Variants in ZEB1 observed in about 807,000 individuals in gnomAD.
The protein encoded by ZEB1 is zinc finger E-box binding homeobox 1, also known as zinc finger E-box-binding homeobox 1.
In ZEB1, 21 loss-of-function variants were observed where a neutral mutation model predicts 84.9. The observed-to-expected ratio is 0.25, with a 90% confidence interval of 0.18 to 0.36. The LOEUF (loss-of-function observed/expected upper bound fraction) is 0.36, where lower values mean the gene tolerates loss of function less well. Ranked by LOEUF, ZEB1 falls within the 10% of genes least tolerant of loss-of-function variation. The pLI, the probability that ZEB1 is intolerant of heterozygous loss-of-function variation, is 1.00. For synonymous variants in ZEB1, 420 were observed against 471.1 expected (o/e 0.89, Z 1.41); for missense variants, 1,104 against 1,330.2 (o/e 0.83, Z 2.65).
intron 2 of ZEB1, among the ~76,000 whole-genome samples, chr10:31,474,806 C>T (rs1013544225): frequency 1.3e-5 from 2 of 152,012 alleles, no homozygotes; most frequent in Non-Finnish European, 2.9e-5. Context: ...GACTTGGAAC[C>T]AACCCAAATG....
intron 1 of ZEB1, among the ~76,000 whole-genome samples, chr10:31,424,998 T>A (rs1018669608): frequency 1.3e-5 from 2 of 151,788 alleles, no homozygotes; most frequent in South Asian, 2.1e-4. Context: ...TACAATCAAA[T>A]TTTTTTTAAA....
chr10:31,373,193 T>TTG (rs527915359), intron 1 of ZEB1: 39,053 of 967,528 alleles, frequency 0.04, 271 homozygotes, highest in African/African-American at 0.07. Flanking sequence ...TTCATTTAAA[T>TTG]TGTGTGTGTG....
intron 1 of ZEB1, among the ~76,000 whole-genome samples, chr10:31,359,724 A>G (rs977538241): frequency 6.6e-6 from 1 of 152,208 alleles, no homozygotes; most frequent in Non-Finnish European, 1.5e-5. Context: ...GAAAAATCAA[A>G]ATTTTATTCA....
Position 31,514,276 on chromosome 10 carries a change from A to G in ZEB1, c.688-327A>G, listed in dbSNP as rs140394418. Among the ~76,000 whole-genome samples, 138 of 152,234 alleles carry G rather than the reference A, an allele frequency of 9.1e-4. 1 individual carries two copies. Among genetic ancestry groups the G allele is most frequent in the African/African-American group, 3.2e-3 (131 of 41,556 alleles). On this transcript the variant is annotated intron_variant, in intron 5 of 8. Coordinates refer to ENST00000424869, the MANE Select transcript of ZEB1 (RefSeq NM_001174096.2). ...TAACCTCTAGTTCCTAGCAAAGTATATATTACTTTATTTTTACTAATTTTG... is the reference window on the plus strand; with the variant it reads ...TAACCTCTAGTTCCTAGCAAAGTATGTATTACTTTATTTTTACTAATTTTG...
chr10:31,460,836 G>T (rs929050506), intron 1 of ZEB1, among the ~76,000 whole-genome samples: 1 of 152,042 alleles, frequency 6.6e-6, no homozygotes, highest in Admixed American at 6.6e-5. Context: ...TATTCAATAA[G>T]GGTAGCTACT....
At chr10:31,355,925 A>G (rs2042047648) in intron 1 of ZEB1, among the ~76,000 whole-genome samples, 1 of 152,150 alleles carries the variant, frequency 6.6e-6, no homozygotes, top group Non-Finnish European at 1.5e-5. Flanking sequence ...TGACTATAGT[A>G]TATATAGAAG....
intron 1 of ZEB1, among the ~76,000 whole-genome samples, chr10:31,398,453 C>G (rs1047777652): frequency 1.3e-5 from 2 of 152,020 alleles, no homozygotes; most frequent in East Asian, 1.9e-4. Flanking sequence ...TGCCTTCTCT[C>G]TCTGCATCAT....
At chr10:31,469,845 C>T (rs2062960616) in intron 2 of ZEB1, among the ~76,000 whole-genome samples, 1 of 152,204 alleles carries the variant, frequency 6.6e-6, no homozygotes, top group Non-Finnish European at 1.5e-5. Context: ...AGTGGTTCTC[C>T]CAGTACGCAG....
rs139511659 is a variant in ZEB1, at chr10:31,520,830, G to A, written c.1498G>A (p.Ala500Thr). The A allele has an allele frequency of 4.8e-5, 77 of 1,613,830 alleles. No homozygotes were observed. The highest frequency in any genetic ancestry group is 1.6e-4 in the Middle Eastern group (1 of 6,084). The change falls in exon 7 of 9, where the codon GCT (alanine) becomes ACT (threonine). Residue 500 changes from alanine to threonine, a missense_variant. This residue lies in a region of ZEB1 where 531 missense variants were observed against 575.2 expected (regional missense o/e 0.92). Transcript: ENST00000424869. The surrounding 1 kb of genome is among the most constrained non-coding windows in gnomAD (Gnocchi z 5.1). ...AAATTTAAAAAAAGAAAATCCAGTC[G>A]CTACAAACAGTTGTAAAAGTGAAAA... ...PQNLKKENPV[A>T]TNSCKSEKLP...
At chr10:31,386,071 A>T (rs1472161097) in intron 1 of ZEB1, among the ~76,000 whole-genome samples, 1 of 152,100 alleles carries the variant, frequency 6.6e-6, no homozygotes, top group Non-Finnish European at 1.5e-5. Context: ...ATAGCTATAG[A>T]CAACCATTTT....
chr10:31,448,866 G>A (rs1256348954), intron 1 of ZEB1, among the ~76,000 whole-genome samples: 1 of 152,236 alleles, frequency 6.6e-6, no homozygotes, highest in Non-Finnish European at 1.5e-5. Flanking sequence ...CTGTCTTTTT[G>A]TTTGTCTGTG....
Position 31,397,570 on chromosome 10 carries a change from C to A in ZEB1, c.59-63467C>A, listed in dbSNP as rs545984474. Among the ~76,000 whole-genome samples, 10 of 152,210 alleles carry A rather than the reference C, an allele frequency of 6.6e-5. No individual in the cohort carries two copies. In the South Asian group the frequency reaches 1.9e-3, roughly 28 times the overall value. On this transcript the variant is annotated intron_variant, in intron 1 of 8. Transcript: ENST00000424869. ...AGCTTCAGTCCTGAAATTTGACTTA[C>A]CTGGATCATATTTAATCTTTTGCAC...
At chr10:31,323,956 T>C (rs887866972) in intron 1 of ZEB1, among the ~76,000 whole-genome samples, 6 of 139,218 alleles carry the variant, frequency 4.3e-5, no homozygotes, top group Non-Finnish European at 9.5e-5. Flanking sequence ...TAGGATGTCA[T>C]GGTTCTTCGT....
At chr10:31,475,797 T>C (rs2064071653) in intron 2 of ZEB1, among the ~76,000 whole-genome samples, 1 of 152,036 alleles carries the variant, frequency 6.6e-6, no homozygotes, top group Non-Finnish European at 1.5e-5. Context: ...GTTCTGAACA[T>C]GGCAATGAAA....
chr10:31,440,141 A>G (rs1426296191), intron 1 of ZEB1, among the ~76,000 whole-genome samples: 1 of 152,156 alleles, frequency 6.6e-6, no homozygotes, highest in Non-Finnish European at 1.5e-5. Flanking sequence ...TATGAGAGAA[A>G]AAGAGGAGTC....
chr10:31,491,483 C>T (rs983715235), intron 2 of ZEB1, among the ~76,000 whole-genome samples: 29 of 151,934 alleles, frequency 1.9e-4, no homozygotes, highest in African/African-American at 5.3e-4. Flanking sequence ...TAAGGATTCT[C>T]CTAGAGCCTT....
At chr10:31,352,618 G>C (rs2041497847) in intron 1 of ZEB1, among the ~76,000 whole-genome samples, 1 of 152,132 alleles carries the variant, frequency 6.6e-6, no homozygotes, top group South Asian at 2.1e-4. Flanking sequence ...AGCTGGCAGT[G>C]GATGCAGGCT....
chr10:31,461,166 C>T lies in ZEB1; in HGVS notation c.188C>T (p.Thr63Ile). ...CEGVPEDDLPTDQTVLPGRSS... is the reference protein window; with the variant it reads ...CEGVPEDDLPIDQTVLPGRSS... ...GGTGTACCAGAGGATGACCTGCCAA[C>T]AGACCAGACAGTGTTACCAGGGAGG... Residue 63 changes from threonine (T) to isoleucine (I), a missense_variant, in exon 2 of 9, where the codon ACA (threonine) becomes ATA (isoleucine). Physicochemically the swap from Thr to Ile is moderately conservative, Grantham distance 89. Transcript: ENST00000424869. The T allele has an allele frequency of 6.2e-7, 1 of 1,613,508 alleles. No homozygotes were observed. The highest frequency in any genetic ancestry group is 8.5e-7 in the Non-Finnish European group (1 of 1,179,716).
intron 1 of ZEB1, among the ~76,000 whole-genome samples, chr10:31,390,402 G>T (rs1564689405): frequency 6.6e-6 from 1 of 152,094 alleles, no homozygotes; most frequent in Non-Finnish European, 1.5e-5. Flanking sequence ...GACCTAGTAT[G>T]TTTAAGACAG....
Sources: gnomAD v4.1 joint callset for allele counts (sites outside exome capture counted in the v4.1 genomes callset) on GRCh38, gnomAD v4.1.1 for gene constraint, gnomAD v4.1.1 regional missense constraint, Gnocchi (gnomAD v3.1) non-coding constraint, MANE v1.5 for transcripts, NCBI Gene and HGNC (gene_info 2026-07-23, HGNC 2026-07-21) for gene names.